The following DOCK2 variants were observed in gnomAD, a reference collection of about 807,000 sequenced individuals.
The protein encoded by DOCK2 is dedicator of cytokinesis protein 2.
In DOCK2, 87 loss-of-function variants were observed where a neutral mutation model predicts 248.9. The observed-to-expected ratio is 0.35, with a 90% CI of 0.29 to 0.42. DOCK2 has a LOEUF of 0.42. Ranked by LOEUF, DOCK2 falls within the 10% of genes least tolerant of loss-of-function variation. The pLI is 1.00. For synonymous variants in DOCK2, 805 were observed against 821.6 expected, an observed-to-expected ratio of 0.98 and a Z score of 0.35; for missense variants, 1,747 against 2,300.2, an observed-to-expected ratio of 0.76 and a Z score of 4.92.
At position 170,080,069 on chromosome 5, in the gene DOCK2, C is replaced by T. The variant is rs145861914; in HGVS notation, c.5167-94C>T. 2.8e-4 allele frequency: 432 copies of T among 1,569,820 alleles called. 2 individuals are homozygous for T. The African/African-American group carries it at 4.0e-3, about 14-fold the overall frequency. On this transcript the variant is annotated intron_variant, in intron 49 of 51. Coordinates refer to ENST00000520908, the MANE Select transcript of DOCK2 (RefSeq NM_004946.3). ...AGCCAGCTTCATAGAAACCATGCCA[C>T]GCCCTCCTCACTGATCTTTCAGAGA...
intron 33 of DOCK2, among the ~76,000 whole-genome samples, chr5:170,019,378 C>T (rs1006233917): frequency 1.3e-5 from 2 of 152,324 alleles, no homozygotes; most frequent in East Asian, 3.9e-4. Context: ...CACATCTCTA[C>T]CTAATGATTC....
At chr5:169,818,668 T>C (rs930218023) in intron 26 of DOCK2, among the ~76,000 whole-genome samples, 1 of 152,150 alleles carries the variant, frequency 6.6e-6, no homozygotes, top group African/African-American at 2.4e-5. Flanking sequence ...GAGAAGGCAA[T>C]ATTTGATGCC....
In DOCK2 at chr5:169,955,390, G is replaced by GGAGA. The variant is rs139569428; in HGVS notation, c.2800-27665_2800-27662dup. The stretch of plus-strand genomic sequence containing the variant: ...CATATTCAATAAGTGTTAAAGGAAG[G>GGAGA]GAGAGAGAGAGAGAGACTGGGAGGG... On this transcript the variant is annotated intron_variant, in intron 27 of 51. Transcript: ENST00000520908. 7.3e-3 allele frequency among the ~76,000 whole-genome samples: 1,113 copies of GGAGA among 151,666 alleles called. 4 individuals carry two copies. Among genetic ancestry groups the GGAGA allele is most frequent in the Non-Finnish European group, 0.011 (772 of 67,832 alleles).
intron 38 of DOCK2, among the ~76,000 whole-genome samples, 191 bp downstream of exon 38, chr5:170,042,323 T>C (rs1022491616): frequency 9.2e-5 from 14 of 152,218 alleles, no homozygotes; most frequent in African/African-American, 3.4e-4. Flanking sequence ...ATTGCTCACC[T>C]GGACACTGCG....
intron 40 of DOCK2, among the ~76,000 whole-genome samples, chr5:170,049,622 G>A (rs1365387158): frequency 6.6e-6 from 1 of 152,124 alleles, no homozygotes; most frequent in Non-Finnish European, 1.5e-5. Context: ...TTCATTGTGG[G>A]GCTGTGCTAT....
At chr5:169,953,332 C>CA (rs576183648) in intron 27 of DOCK2, among the ~76,000 whole-genome samples, 53,871 of 123,224 alleles carry the variant, frequency 0.44, 10,708 homozygotes, top group South Asian at 0.6. Flanking sequence ...GACTCTATCT[C>CA]AAAAAAAAAA....
intron 30 of DOCK2, among the ~76,000 whole-genome samples, chr5:169,998,935 G>T (rs567636933): frequency 6.6e-6 from 1 of 152,194 alleles, no homozygotes; most frequent in Non-Finnish European, 1.5e-5. Flanking sequence ...GTTTAGGGAA[G>T]TTTCTGCTTT....
chr5:170,009,026 C>T (rs1396557856), intron 32 of DOCK2, among the ~76,000 whole-genome samples: 4 of 151,920 alleles, frequency 2.6e-5, no homozygotes, highest in Admixed American at 2.6e-4. Context: ...TAAGAGGGAC[C>T]AGGACTGTCA....
At chr5:169,784,036 G>A (rs1353387728) in intron 25 of DOCK2, among the ~76,000 whole-genome samples, 1 of 152,148 alleles carries the variant, frequency 6.6e-6, no homozygotes, top group Non-Finnish European at 1.5e-5. Context: ...TCAGTGTCTT[G>A]CCCACTGGCT....
intron 27 of DOCK2, among the ~76,000 whole-genome samples, chr5:169,960,738 A>G (rs930225735): frequency 2.0e-5 from 3 of 152,208 alleles, no homozygotes; most frequent in Non-Finnish European, 4.4e-5. Flanking sequence ...CTTGCAGTTA[A>G]TTGTGGTCCA....
At chr5:169,771,249 T>G (rs113412260) in intron 25 of DOCK2, among the ~76,000 whole-genome samples, 48 of 152,342 alleles carry the variant, frequency 3.2e-4, no homozygotes, top group African/African-American at 1.1e-3. Context: ...GTGTTTTGTT[T>G]CTTTGCTATG....
intron 27 of DOCK2, among the ~76,000 whole-genome samples, chr5:169,907,899 G>T (rs976736089): frequency 1.3e-5 from 2 of 152,178 alleles, no homozygotes; most frequent in Non-Finnish European, 2.9e-5. Flanking sequence ...CACAGGAACC[G>T]TTGGCCAGTC....
chr5:169,891,714 G>A (rs1387814657), intron 27 of DOCK2, among the ~76,000 whole-genome samples: 1 of 152,100 alleles, frequency 6.6e-6, no homozygotes, highest in Non-Finnish European at 1.5e-5. Flanking sequence ...GCCGGGCACG[G>A]TGGTTCACAC....
rs554180526 is a variant in DOCK2, at chr5:170,020,591, C to T, written c.3381+1483C>T. ...AGTAGGTAACATTATCTTATCTTACCCACTTTAAAGATGAAAAGAAACTGA... is the reference window on the plus strand; with the variant it reads ...AGTAGGTAACATTATCTTATCTTACTCACTTTAAAGATGAAAAGAAACTGA... On this transcript the variant is annotated intron_variant, in intron 33 of 51. Coordinates refer to ENST00000520908, the MANE Select transcript of DOCK2 (RefSeq NM_004946.3). Among the ~76,000 whole-genome samples the T allele has an allele frequency of 2.6e-5, 4 of 152,222 alleles. No individual in the cohort carries two copies. The East Asian group carries it at 5.8e-4, about 22-fold the overall frequency.
At chr5:169,904,446 C>A (rs261049) in intron 27 of DOCK2, among the ~76,000 whole-genome samples, 50,750 of 151,952 alleles carry the variant, frequency 0.33, 9,610 homozygotes, top group East Asian at 0.53. Flanking sequence ...TCCAAAGTCT[C>A]ACTTCTGGGC....
intron 27 of DOCK2, among the ~76,000 whole-genome samples, chr5:169,874,130 C>T (rs978612676): frequency 2.0e-5 from 3 of 152,120 alleles, no homozygotes; most frequent in African/African-American, 2.4e-5. Flanking sequence ...AATAAAAAAG[C>T]GGCCGGGTGT....
chr5:169,862,858 G>T (rs1038899498), intron 27 of DOCK2, among the ~76,000 whole-genome samples: 6 of 152,214 alleles, frequency 3.9e-5, no homozygotes, highest in Non-Finnish European at 7.3e-5. Flanking sequence ...AGGATTCTGT[G>T]CTCTGCAAAG....
chr5:169,790,830 A>T (rs1766291946), intron 25 of DOCK2, among the ~76,000 whole-genome samples: 1 of 152,222 alleles, frequency 6.6e-6, no homozygotes, highest in Admixed American at 6.5e-5. Context: ...CCAAGGTTAC[A>T]CACAGCCTGG....
intron 17 of DOCK2, 88 bp downstream of exon 17, chr5:169,712,311 GACCC>G: frequency 8.5e-7 from 1 of 1,181,638 alleles, no homozygotes; most frequent in Non-Finnish European, 1.2e-6. Flanking sequence ...CAACAGCAGG[GACCC>G]CAGAATCACA....
Sources: allele counts gnomAD v4.1 joint callset (sites outside exome capture counted in the v4.1 genomes callset), GRCh38; gene constraint gnomAD v4.1.1; transcripts MANE v1.5; gene names NCBI Gene and HGNC (gene_info 2026-07-23, HGNC 2026-07-21).